TBX15: variants seen among roughly 807,000 people sequenced by gnomAD.
TBX15 encodes T-box transcription factor TBX15.
Under a neutral mutation model 53.9 loss-of-function variants are expected in TBX15, and 18 were observed. The observed-to-expected ratio is 0.33, with a 90% confidence interval of 0.23 to 0.49. The LOEUF (loss-of-function observed/expected upper bound fraction) is 0.49. TBX15 is among the 20% of genes least tolerant of loss of function. TBX15 has a pLI of 0.98. For missense variants in TBX15, 692 were observed against 749.5 expected (o/e 0.92, Z 0.90); for synonymous variants, 295 against 278.0 (o/e 1.06, Z -0.61).
At chr1:118,905,396 A>G (rs1048146913) in intron 6 of TBX15, among the ~76,000 whole-genome samples, 21 of 152,250 alleles carry the variant, frequency 1.4e-4, no homozygotes, top group African/African-American at 5.1e-4. Context: ...AAGGCCACAC[A>G]GCCAAGAGGA....
chr1:118,927,176 A>G (rs1655628291), intron 2 of TBX15, among the ~76,000 whole-genome samples: 1 of 152,146 alleles, frequency 6.6e-6, no homozygotes, highest in African/African-American at 2.4e-5. Context: ...CTTAACTTAA[A>G]TTGACCTATT....
chr1:118,929,363 G>C (rs1655707009), intron 2 of TBX15, among the ~76,000 whole-genome samples: 1 of 152,122 alleles, frequency 6.6e-6, no homozygotes, highest in Non-Finnish European at 1.5e-5. Flanking sequence ...AAAGAATACT[G>C]ACAATACTGC....
chr1:118,904,385 G>C (rs1654742098), intron 6 of TBX15, among the ~76,000 whole-genome samples: 1 of 152,148 alleles, frequency 6.6e-6, no homozygotes, highest in African/African-American at 2.4e-5. Context: ...AAAATATCCA[G>C]ATTACTCAGG....
At chr1:118,950,831 A>G (rs561834009) in intron 1 of TBX15, among the ~76,000 whole-genome samples, 3 of 152,206 alleles carry the variant, frequency 2.0e-5, no homozygotes, top group Non-Finnish European at 4.4e-5. Context: ...AAAGCACAAT[A>G]TGCCTCACAG....
intron 7 of TBX15, among the ~76,000 whole-genome samples, chr1:118,896,473 G>T (rs1049882848): frequency 2.0e-5 from 3 of 152,252 alleles, no homozygotes; most frequent in Non-Finnish European, 4.4e-5. Flanking sequence ...TATGCAGAAA[G>T]ACAGATCCAC....
intron 1 of TBX15, among the ~76,000 whole-genome samples, chr1:118,943,807 A>C (rs28653656): frequency 0.29 from 44,629 of 152,042 alleles, 6,878 homozygotes; most frequent in Non-Finnish European, 0.32. Context: ...TCTAGTACCT[A>C]GGTGAGGCTC....
At chr1:118,979,551 A>G (rs1657570702) in intron 1 of TBX15, among the ~76,000 whole-genome samples, 1 of 152,064 alleles carries the variant, frequency 6.6e-6, no homozygotes, top group Admixed American at 6.5e-5. Context: ...CAAAAGCTCG[A>G]ACTCCCCTCA....
intron 7 of TBX15, among the ~76,000 whole-genome samples, chr1:118,885,986 G>A (rs1249716037): frequency 6.6e-6 from 1 of 152,026 alleles, no homozygotes; most frequent in African/African-American, 2.4e-5. Context: ...GCCATTTTTA[G>A]TCTTCCAGCC....
At chr1:118,937,035 T>C (rs1227233729) in intron 1 of TBX15, among the ~76,000 whole-genome samples, 3 of 152,120 alleles carry the variant, frequency 2.0e-5, no homozygotes, top group African/African-American at 7.2e-5. Flanking sequence ...TGGGGAAAAT[T>C]GTTGAGGAGC....
chr1:118,988,758 C>T (rs557660936), upstream of TBX15, among the ~76,000 whole-genome samples: 1 of 152,316 alleles, frequency 6.6e-6, no homozygotes, highest in African/African-American at 2.4e-5. Context: ...TCGCGTCAGC[C>T]CCTAGGTGCT....
intron 1 of TBX15, among the ~76,000 whole-genome samples, chr1:118,933,010 T>C (rs530029638): frequency 6.6e-6 from 1 of 152,228 alleles, no homozygotes; most frequent in South Asian, 2.1e-4. Flanking sequence ...TTTTCAATGG[T>C]GTCAAGGGTC....
In TBX15 at chr1:118,913,790, G is replaced by T. The variant is rs183492414; in HGVS notation, c.926+325C>A. Among the ~76,000 whole-genome samples, 3 of 152,228 alleles carry T rather than the reference G, an allele frequency of 2.0e-5. No homozygotes were observed. In the East Asian group the frequency reaches 5.8e-4, roughly 29 times the overall value. On this transcript the variant is annotated intron_variant, in intron 6 of 7. Transcript: ENST00000369429. ...GAGAAATATATGAGATATCACTGCA[G>T]GTGCTGAAGCCACCTATAGATACTT... is the stretch of plus-strand genomic sequence containing the variant.
At chr1:118,988,951 T>C (rs182121001), upstream of TBX15, among the ~76,000 whole-genome samples, 90 of 152,312 alleles carry the variant, frequency 5.9e-4, no homozygotes, top group African/African-American at 2.1e-3. Flanking sequence ...CAGCTCTACC[T>C]GGTGGAGAAG....
intron 5 of TBX15, among the ~76,000 whole-genome samples, chr1:118,915,294 A>G (rs888578102): frequency 5.3e-5 from 8 of 152,218 alleles, no homozygotes; most frequent in Admixed American, 5.2e-4. Flanking sequence ...ACGTATCACT[A>G]GGACAGCTAA....
intron 5 of TBX15, among the ~76,000 whole-genome samples, chr1:118,915,937 G>T (rs780115648): frequency 3.3e-5 from 5 of 152,130 alleles, no homozygotes; most frequent in Non-Finnish European, 5.9e-5. Flanking sequence ...GGGTATGCAT[G>T]GAAATTTAAT....
chr1:118,920,737 C>T (rs1655398725), intron 5 of TBX15, among the ~76,000 whole-genome samples: 1 of 152,054 alleles, frequency 6.6e-6, no homozygotes, highest in South Asian at 2.1e-4. Context: ...CATAAGAACC[C>T]AAGGTTGGGG....
intron 1 of TBX15, among the ~76,000 whole-genome samples, chr1:118,952,416 GA>G (rs145881018): frequency 6.6e-6 from 1 of 151,500 alleles, no homozygotes; most frequent in Non-Finnish European, 1.5e-5. Context: ...GAAAAATTTA[GA>G]AAAAAAATAA....
At chr1:118,982,648 A>T (rs1268643400) in intron 1 of TBX15, among the ~76,000 whole-genome samples, 3 of 152,200 alleles carry the variant, frequency 2.0e-5, no homozygotes, top group East Asian at 3.8e-4. Flanking sequence ...TTCACTCCTC[A>T]CATGCTGTCT....
intron 1 of TBX15, among the ~76,000 whole-genome samples, chr1:118,978,831 T>G (rs1657528321): frequency 1.3e-5 from 2 of 152,206 alleles, no homozygotes; most frequent in African/African-American, 4.8e-5. Flanking sequence ...CTCCCACCCT[T>G]TGATGCCAAA....
Sources: allele counts gnomAD v4.1 joint callset (sites outside exome capture counted in the v4.1 genomes callset), GRCh38; gene constraint gnomAD v4.1.1; transcripts MANE v1.5; gene names NCBI Gene and HGNC (gene_info 2026-07-23, HGNC 2026-07-21).